DNER: variants seen among roughly 807,000 people sequenced by gnomAD.
The protein encoded by DNER is delta and Notch-like epidermal growth factor-related receptor.
A neutral mutation model predicts 78.2 loss-of-function variants in DNER; 33 were observed. That is an observed-to-expected ratio of 0.42 (90% CI 0.32 to 0.56). The LOEUF (loss-of-function observed/expected upper bound fraction) is 0.56, where lower values mean the gene tolerates loss of function less well. Among genes scored for constraint, DNER ranks in the 20% least tolerant of loss-of-function variants. DNER has a pLI of 0.11. For missense variants in DNER, 918 were observed against 975.3 expected (o/e 0.94, Z 0.78); for synonymous variants, 417 against 384.8 (o/e 1.08, Z -0.98).
intron 1 of DNER, among the ~76,000 whole-genome samples, chr2:229,663,316 T>C (rs183405960): frequency 4.6e-5 from 7 of 152,308 alleles, no homozygotes; most frequent in Non-Finnish European, 1.0e-4. Context: ...TTTTCCATGA[T>C]GCTGAAACAA....
intron 6 of DNER, among the ~76,000 whole-genome samples, chr2:229,497,868 G>T (rs1271791816): frequency 6.6e-6 from 1 of 152,084 alleles, no homozygotes; most frequent in Non-Finnish European, 1.5e-5. Flanking sequence ...CTTCACTGCT[G>T]AATTGTATTA....
chr2:229,425,956 T>C (rs1693867694), intron 8 of DNER, among the ~76,000 whole-genome samples: 1 of 151,764 alleles, frequency 6.6e-6, no homozygotes, highest in African/African-American at 2.4e-5. Flanking sequence ...CTTTTATTTG[T>C]TTTTACTTTA....
At chr2:229,387,541 A>G (rs1034256198) in intron 11 of DNER, among the ~76,000 whole-genome samples, 38 of 150,752 alleles carry the variant, frequency 2.5e-4, no homozygotes, top group African/African-American at 9.3e-4. Context: ...GAAAGAAAGA[A>G]AGAAAGAAAG....
chr2:229,647,245 G>A (rs751368033), intron 1 of DNER, among the ~76,000 whole-genome samples: 2 of 152,204 alleles, frequency 1.3e-5, no homozygotes, highest in African/African-American at 4.8e-5. Flanking sequence ...AGGAGGTGAC[G>A]TGGGAGGAGA....
intron 4 of DNER, among the ~76,000 whole-genome samples, chr2:229,563,123 C>A (rs551639066): frequency 2.2e-3 from 290 of 133,322 alleles, no homozygotes; most frequent in African/African-American, 8.1e-3. Context: ...CATCATCCTC[C>A]TCCTCATCCC....
intron 1 of DNER, among the ~76,000 whole-genome samples, chr2:229,677,789 T>C (rs1699320787): frequency 6.6e-6 from 1 of 152,164 alleles, no homozygotes; most frequent in Non-Finnish European, 1.5e-5. Flanking sequence ...CTTATCAATA[T>C]GTTTAAGTTT....
chr2:229,709,992 G>A (rs1372401978), intron 1 of DNER, among the ~76,000 whole-genome samples: 1 of 152,146 alleles, frequency 6.6e-6, no homozygotes, highest in Non-Finnish European at 1.5e-5. Flanking sequence ...GAACAAGCAA[G>A]AGCGGCCTCA....
chr2:229,447,437 G>T lies in DNER; in HGVS notation c.1365C>A (p.Asn455Lys), dbSNP rs1350134062. 1 of 1,614,184 alleles carries T rather than the reference G, an allele frequency of 6.2e-7. No homozygotes were observed. The highest frequency in any genetic ancestry group is 1.1e-5 in the South Asian group (1 of 91,064). Residue 455 changes from asparagine to lysine, a missense_variant, in exon 8 of 13, where the codon AAC becomes AAA. Transcript: ENST00000341772. ...CYVDGVHFTC[N>K]CSPGFTGPTC... ...TCGGCCCTGTGAAGCCCGGGCTGCA[G>T]TTGCAGGTAAAGTGTACCCCGTCCA...
At chr2:229,660,354 A>G (rs1698988320) in intron 1 of DNER, among the ~76,000 whole-genome samples, 1 of 152,216 alleles carries the variant, frequency 6.6e-6, no homozygotes, top group African/African-American at 2.4e-5. Context: ...TGCTCCACAC[A>G]TAAGTGAGAA....
chr2:229,639,404 A>C (rs182968988), intron 1 of DNER, among the ~76,000 whole-genome samples: 158 of 152,162 alleles, frequency 1.0e-3, no homozygotes, highest in African/African-American at 3.7e-3. Context: ...ACAGGTGTCC[A>C]TCACCACGCC....
At chr2:229,458,775 C>A (rs1166212248) in intron 7 of DNER, among the ~76,000 whole-genome samples, 12 of 147,336 alleles carry the variant, frequency 8.1e-5, no homozygotes, top group Admixed American at 6.8e-4. Context: ...TCTATATATG[C>A]AAAAAAAAAG....
chr2:229,617,233 C>G (rs1360070859), intron 1 of DNER, among the ~76,000 whole-genome samples: 1 of 152,082 alleles, frequency 6.6e-6, no homozygotes, highest in African/African-American at 2.4e-5. Flanking sequence ...CATTCCAGAA[C>G]AGAGATTATG....
chr2:229,492,157 T>G (rs934492297), intron 6 of DNER, among the ~76,000 whole-genome samples: 17 of 152,156 alleles, frequency 1.1e-4, no homozygotes, highest in African/African-American at 3.6e-4. Flanking sequence ...CCCTGGCACA[T>G]AGTACACATT....
At position 229,388,480 on chromosome 2, in the gene DNER, G is replaced by T. The variant is rs1314054488; in HGVS notation, c.1724-84C>A. The T allele has an allele frequency of 2.7e-6, 4 of 1,480,534 alleles. No individual in the cohort carries two copies. The East Asian group carries it at 9.8e-5, about 36-fold the overall frequency. 91.7% of individuals were successfully genotyped at this position (1,480,534 alleles called of 1,614,324 possible). A position where few individuals can be genotyped will look rare whatever the true frequency, so the allele number is the denominator to read the frequency against. Reference sequence around the variant, plus strand: ...TCTGGCCAAAAAATAAAGATCCAAGGCTAGGGGTCATAACCTTTAGCAATA... The same window carrying T: ...TCTGGCCAAAAAATAAAGATCCAAGTCTAGGGGTCATAACCTTTAGCAATA... On this transcript the variant is annotated intron_variant, in intron 10 of 12. Transcript: ENST00000341772.
intron 10 of DNER, among the ~76,000 whole-genome samples, chr2:229,400,050 G>A (rs961918977): frequency 2.0e-5 from 3 of 151,878 alleles, no homozygotes; most frequent in Non-Finnish European, 4.4e-5. Flanking sequence ...TTCCACAAGG[G>A]TATAAGTTAA....
At chr2:229,583,176 G>C (rs190510731) in intron 4 of DNER, among the ~76,000 whole-genome samples, 1 of 152,282 alleles carries the variant, frequency 6.6e-6, no homozygotes, top group Non-Finnish European at 1.5e-5. Context: ...ATCAAAAGTA[G>C]TATAAAATAT....
In DNER at chr2:229,539,131, G is replaced by A. The variant is rs1207668835; in HGVS notation, c.993+7816C>T. Reference sequence around the variant, plus strand: ...AAAGGTCTTTCCTTTGATTCTTTGTGGGCTCCCTCGACTCCTCTCCCATCC... The same window carrying A: ...AAAGGTCTTTCCTTTGATTCTTTGTAGGCTCCCTCGACTCCTCTCCCATCC... On this transcript the variant is annotated intron_variant, in intron 5 of 12. Transcript: ENST00000341772. Among the ~76,000 whole-genome samples, 4 of 152,112 alleles carry A rather than the reference G, an allele frequency of 2.6e-5. No individual in the cohort carries two copies. The East Asian group carries it at 7.7e-4, about 29-fold the overall frequency.
At chr2:229,577,371 T>C (rs1697321417) in intron 4 of DNER, among the ~76,000 whole-genome samples, 1 of 152,190 alleles carries the variant, frequency 6.6e-6, no homozygotes, top group Admixed American at 6.5e-5. Flanking sequence ...TGGGCAGTTC[T>C]AGAAGTGTGG....
chr2:229,666,252 G>T (rs1699090491), intron 1 of DNER, among the ~76,000 whole-genome samples: 2 of 151,976 alleles, frequency 1.3e-5, no homozygotes, highest in African/African-American at 2.4e-5. Context: ...GCAACCTACG[G>T]GTGGTCACCA....
Sources: gnomAD v4.1 joint callset for allele counts (sites outside exome capture counted in the v4.1 genomes callset) on GRCh38, gnomAD v4.1.1 for gene constraint, MANE v1.5 for transcripts, NCBI Gene and HGNC (gene_info 2026-07-23, HGNC 2026-07-21) for gene names.